The following ZMIZ1 variants were observed in gnomAD, a reference collection of about 807,000 sequenced individuals.
ZMIZ1 encodes the protein zinc finger MIZ-type containing 1.
A neutral mutation model predicts 113.9 loss-of-function variants in ZMIZ1; 17 were observed. The ratio of observed to expected loss-of-function variants is 0.15; its 90% CI spans 0.10 to 0.22. The LOEUF is 0.22. Among genes scored for constraint, ZMIZ1 ranks in the 10% least tolerant of loss-of-function variants. ZMIZ1 has a pLI of 1.00. For synonymous variants in ZMIZ1, 607 were observed against 603.1 expected (o/e 1.01, Z -0.09); for missense variants, 1,059 against 1,477.8 (o/e 0.72, Z 4.65).
chr10:79,106,405 G>T (rs189233632), intron 1 of ZMIZ1, among the ~76,000 whole-genome samples: 1 of 152,242 alleles, frequency 6.6e-6, no homozygotes, highest in Non-Finnish European at 1.5e-5. Flanking sequence ...CTGTAAGAGA[G>T]CATGGGGACC....
At chr10:79,175,446 C>A (rs1290243542) in intron 4 of ZMIZ1, among the ~76,000 whole-genome samples, 1 of 152,194 alleles carries the variant, frequency 6.6e-6, no homozygotes, top group Non-Finnish European at 1.5e-5. Flanking sequence ...TTGGGTTTGT[C>A]CTGCCCCGAT....
intron 1 of ZMIZ1, among the ~76,000 whole-genome samples, chr10:79,108,698 G>T (rs1843638861): frequency 6.6e-6 from 1 of 152,110 alleles, no homozygotes; most frequent in South Asian, 2.1e-4. Flanking sequence ...GAGGTTGGCT[G>T]CTTCTCTGTT....
chr10:79,099,809 AGCTACAGGT>A (rs1364503328), intron 1 of ZMIZ1, among the ~76,000 whole-genome samples: 3 of 152,062 alleles, frequency 2.0e-5, no homozygotes, highest in Non-Finnish European at 4.4e-5. Context: ...CATTGAGAGG[AGCTACAGGT>A]GCATTTGAAA....
intron 7 of ZMIZ1, among the ~76,000 whole-genome samples, chr10:79,217,811 T>C (rs1848799716): frequency 2.0e-5 from 3 of 152,352 alleles, no homozygotes; most frequent in Admixed American, 6.5e-5. Flanking sequence ...CCGCCTGCAT[T>C]GGGATATTGC....
intron 1 of ZMIZ1, among the ~76,000 whole-genome samples, chr10:79,080,613 G>A (rs1842628753): frequency 6.6e-6 from 1 of 152,080 alleles, no homozygotes; most frequent in African/African-American, 2.4e-5. Context: ...CGGGCCTCAG[G>A]TGTGATTTCT....
intron 3 of ZMIZ1, among the ~76,000 whole-genome samples, chr10:79,146,226 G>C (rs1845477241): frequency 6.6e-6 from 1 of 152,170 alleles, no homozygotes; most frequent in South Asian, 2.1e-4. Context: ...CGCTCTGCCT[G>C]TCAAGAGATG....
chr10:79,111,881 A>G (rs2132296632), intron 1 of ZMIZ1, among the ~76,000 whole-genome samples: 1 of 152,316 alleles, frequency 6.6e-6, no homozygotes, highest in South Asian at 2.1e-4. Context: ...GGTTTGTTTG[A>G]GTGTTTGGAA....
intron 1 of ZMIZ1, among the ~76,000 whole-genome samples, chr10:79,097,042 G>T (rs927942007): frequency 6.6e-6 from 1 of 152,154 alleles, no homozygotes; most frequent in South Asian, 2.1e-4. Context: ...GGGGATGACC[G>T]GCAGGGGCAG....
At chr10:79,188,303 G>A (rs978467133) in intron 4 of ZMIZ1, among the ~76,000 whole-genome samples, 41 of 152,134 alleles carry the variant, frequency 2.7e-4, no homozygotes, top group Non-Finnish European at 3.2e-4. Context: ...ATGGGACAGG[G>A]GAGGGTCATC....
chr10:79,189,294 G>T (rs116080340), intron 4 of ZMIZ1, among the ~76,000 whole-genome samples: 3,389 of 152,274 alleles, frequency 0.022, 124 homozygotes, highest in African/African-American at 0.077. Flanking sequence ...CTCATGGTAT[G>T]GTTCCCAGAG....
intron 4 of ZMIZ1, among the ~76,000 whole-genome samples, chr10:79,166,000 G>GTGTGTGTGTGTGTGTGTGTGTC (rs36040251): frequency 8.6e-6 from 1 of 115,632 alleles, no homozygotes; most frequent in African/African-American, 3.7e-5. Flanking sequence ...GTGTGTGTGT[G>GTGTGTGTGTGTGTGTGTGTGTC]TGGGCTCTCC....
At position 79,236,577 on chromosome 10, in the gene ZMIZ1, C is replaced by T. The variant is rs187312685; in HGVS notation, c.280+20303C>T. On this transcript the variant is annotated intron_variant, in intron 7 of 24. Coordinates refer to ENST00000334512, the MANE Select transcript of ZMIZ1 (RefSeq NM_020338.4). ...AGATTCATTAGAGACCTGGGTGGCG[C>T]GCTCCCCACCACCTCCAGCAGCCCC... Among the ~76,000 whole-genome samples the T allele has an allele frequency of 1.1e-3, 167 of 152,290 alleles. 1 individual carries two copies. Among genetic ancestry groups the T allele is most frequent in the Middle Eastern group, 0.01 (3 of 294 alleles).
intron 3 of ZMIZ1, among the ~76,000 whole-genome samples, chr10:79,155,429 C>T (rs149229902): frequency 2.0e-5 from 3 of 152,324 alleles, no homozygotes; most frequent in East Asian, 1.9e-4. Context: ...TCCTAGTTCC[C>T]GTTTTTATCA....
intron 4 of ZMIZ1, among the ~76,000 whole-genome samples, chr10:79,170,549 C>G (rs1258419440): frequency 1.3e-5 from 2 of 152,214 alleles, no homozygotes; most frequent in Non-Finnish European, 2.9e-5. Context: ...GCGGAGTCCA[C>G]TCAGATCTGA....
intron 6 of ZMIZ1, among the ~76,000 whole-genome samples, chr10:79,214,818 AG>A (rs1848656103): frequency 6.6e-6 from 1 of 152,212 alleles, no homozygotes; most frequent in African/African-American, 2.4e-5. Flanking sequence ...TTCTTAATAA[AG>A]AAAGCTAATT....
chr10:79,255,314 A>T (rs1052286428), intron 7 of ZMIZ1, among the ~76,000 whole-genome samples: 2 of 152,238 alleles, frequency 1.3e-5, no homozygotes, highest in African/African-American at 2.4e-5. Flanking sequence ...GCCGGGCTCT[A>T]GCCCTGAGGG....
intron 7 of ZMIZ1, among the ~76,000 whole-genome samples, chr10:79,255,534 G>A (rs1850833302): frequency 6.6e-6 from 1 of 152,132 alleles, no homozygotes; most frequent in Non-Finnish European, 1.5e-5. Context: ...TCTGTCTTGA[G>A]CCCGGGCATT....
chr10:79,277,492 CCT>C (rs1307522979), intron 8 of ZMIZ1, among the ~76,000 whole-genome samples, 167 bp downstream of exon 8: 1 of 152,166 alleles, frequency 6.6e-6, no homozygotes, highest in Non-Finnish European at 1.5e-5. Context: ...CCTGTTTCTC[CCT>C]CTCAAACAGG....
chr10:79,238,272 T>C (rs1194567857), intron 7 of ZMIZ1, among the ~76,000 whole-genome samples: 1 of 152,188 alleles, frequency 6.6e-6, no homozygotes, highest in African/African-American at 2.4e-5. Flanking sequence ...CCGGGTGGTA[T>C]TGTTTTCAAA....
Sources: gnomAD v4.1 joint callset for allele counts (sites outside exome capture counted in the v4.1 genomes callset) on GRCh38, gnomAD v4.1.1 for gene constraint, MANE v1.5 for transcripts, NCBI Gene and HGNC (gene_info 2026-07-23, HGNC 2026-07-21) for gene names.